The following MARS1 variants were observed in gnomAD, a reference collection of about 807,000 sequenced individuals.
The protein encoded by MARS1 is methionine--tRNA ligase, cytoplasmic.
In MARS1, 80 loss-of-function variants were observed where a neutral mutation model predicts 119.5. The observed-to-expected ratio is 0.67, with a 90% CI of 0.56 to 0.81. MARS1 has a LOEUF of 0.81. Ranked by LOEUF, MARS1 falls within the 30% of genes least tolerant of loss-of-function variation. The pLI is 0.00. For synonymous variants in MARS1, 418 were observed against 433.4 expected, an observed-to-expected ratio of 0.96 and a Z score of 0.44; for missense variants, 945 against 1,116.5, an observed-to-expected ratio of 0.85 and a Z score of 2.19.
chr12:57,489,738 C>G, intron 4 of MARS1, 158 bp from the exon 5 acceptor site: 1 of 1,062,302 alleles, frequency 9.4e-7, no homozygotes. Flanking sequence ...AATATTAGTA[C>G]CTATCTCAGT....
chr12:57,494,236 G>A (rs994834653), intron 7 of MARS1, among the ~76,000 whole-genome samples: 106 of 150,934 alleles, frequency 7.0e-4, no homozygotes, highest in Non-Finnish European at 1.3e-3. Flanking sequence ...GATTACAGGC[G>A]TAAGCCACTA....
intron 7 of MARS1, among the ~76,000 whole-genome samples, chr12:57,493,923 AATATATATT>A (rs1876432421): frequency 1.6e-5 from 1 of 63,058 alleles, no homozygotes; most frequent in African/African-American, 7.4e-5. Flanking sequence ...TAATATATAT[AATATATATT>A]ATATATTATA....
At chr12:57,492,761 A>T (rs1876052602) in intron 7 of MARS1, among the ~76,000 whole-genome samples, 1 of 152,020 alleles carries the variant, frequency 6.6e-6, no homozygotes, top group Non-Finnish European at 1.5e-5. Context: ...GGGGCTAGTT[A>T]GGCAAGAGTA....
intron 11 of MARS1, among the ~76,000 whole-genome samples, chr12:57,510,734 T>TA (rs1877470872): frequency 6.6e-6 from 1 of 151,060 alleles, no homozygotes; most frequent in African/African-American, 2.4e-5. Flanking sequence ...AGTTTGAGAG[T>TA]AGCCTGGGCA....
chr12:57,493,311 A>ATTATATAATATATTATATATAATATATG lies in MARS1; in HGVS notation c.770+2681_770+2708dup, dbSNP rs1281612565. ...TTTTGAGTATATATATATAATATATATTATATAATATATTATATATAATAT... is the reference window on the plus strand; with the variant it reads ...TTTTGAGTATATATATATAATATATATTATATAATATATTATATATAATATATGTTATATAATATATTATATATAATAT... On this transcript the variant is annotated intron_variant, in intron 7 of 20. Coordinates refer to ENST00000262027, the MANE Select transcript of MARS1 (RefSeq NM_004990.4). Among the ~76,000 whole-genome samples the ATTATATAATATATTATATATAATATATG allele has an allele frequency of 5.9e-4, 62 of 104,960 alleles. 5 individuals carry two copies. The highest frequency in any genetic ancestry group is 2.4e-3 in the African/African-American group (61 of 25,140). The allele number at this position is 104,960 out of a possible 152,430, so 68.9% of individuals were successfully genotyped here. A position where few individuals can be genotyped will look rare whatever the true frequency, so the allele number is the denominator to read the frequency against.
chr12:57,511,156 T>A (rs1871547), intron 11 of MARS1, among the ~76,000 whole-genome samples: 5,534 of 58,378 alleles, frequency 0.095, 348 homozygotes, highest in African/African-American at 0.23. Context: ...AAAAAAAAAA[T>A]TTTTTTTAGG....
intron 8 of MARS1, 53 bp from the exon 9 acceptor site, chr12:57,498,367 G>A: frequency 6.3e-7 from 1 of 1,599,772 alleles, no homozygotes; most frequent in Non-Finnish European, 8.6e-7. Flanking sequence ...AGATCCCAAG[G>A]ACAAGGAAGC....
intron 7 of MARS1, among the ~76,000 whole-genome samples, chr12:57,494,065 C>T (rs1289038854): frequency 1.4e-5 from 2 of 144,892 alleles, no homozygotes; most frequent in African/African-American, 5.2e-5. Flanking sequence ...AAGTGATTCT[C>T]CTGTCTCAGT....
In MARS1 at chr12:57,489,256, T is replaced by G. The variant is rs761762597; in HGVS notation, c.201-11T>G. 1 of 1,613,648 alleles carries G rather than the reference T, an allele frequency of 6.2e-7. No individual in the cohort carries two copies. Among genetic ancestry groups the G allele is most frequent in the South Asian group, 1.1e-5 (1 of 91,056 alleles). On this transcript the variant is annotated splice_polypyrimidine_tract_variant and intron_variant, in intron 2 of 20. Coordinates refer to ENST00000262027, the MANE Select transcript of MARS1 (RefSeq NM_004990.4). ...TCTAAGTCCATCATCTGTTGCTCTC[T>G]CTCTGGGCAGATATTTTTTTTTGTT...
At chr12:57,494,406 C>A (rs1348877661) in intron 7 of MARS1, among the ~76,000 whole-genome samples, 3 of 141,064 alleles carry the variant, frequency 2.1e-5, no homozygotes, top group Non-Finnish European at 4.6e-5. Context: ...TGGCTCACTG[C>A]AACCTCTGCC....
intron 17 of MARS1, 26 bp downstream of exon 17, chr12:57,515,084 A>G: frequency 6.2e-7 from 1 of 1,614,102 alleles, no homozygotes; most frequent in Non-Finnish European, 8.5e-7. Context: ...GGGTTGGCTA[A>G]AGGCATAAAG....
chr12:57,513,000 C>A, intron 15 of MARS1, 36 bp downstream of exon 15: 1 of 1,567,428 alleles, frequency 6.4e-7, no homozygotes, highest in African/African-American at 1.4e-5. Flanking sequence ...TAGCAGTGAG[C>A]TGGGGTGGGG....
At position 57,511,866 on chromosome 12, in the gene MARS1, A is replaced by C; in HGVS notation, c.1537A>C (p.Lys513Gln). The C allele has an allele frequency of 1.2e-6, 2 of 1,613,896 alleles. No individual in the cohort carries two copies. Among genetic ancestry groups the C allele is most frequent in the Non-Finnish European group, 1.7e-6 (2 of 1,179,852 alleles). ...TGTACCCTTAGAAGGTTTTGAAGAC[A>C]AGGTAAAAACCCTTTTTTATTCATA... Reference protein sequence around the residue: ...TPVPLEGFEDKVFYVWFDATI... With the variant: ...TPVPLEGFEDQVFYVWFDATI... The change falls in exon 12 of 21, where the codon AAG becomes CAG. Residue 513 changes from lysine (K) to glutamine (Q), a missense_variant and splice_region_variant. Transcript: ENST00000262027.
At chr12:57,500,240 G>A in intron 9 of MARS1, 81 bp from the exon 10 acceptor site, 1 of 1,147,840 alleles carries the variant, frequency 8.7e-7, no homozygotes, top group Non-Finnish European at 1.3e-6. Flanking sequence ...CTGAGTTTGG[G>A]TCCCTGGTTG....
intron 10 of MARS1, among the ~76,000 whole-genome samples, chr12:57,500,829 C>T (rs916938661): frequency 6.6e-6 from 1 of 152,224 alleles, no homozygotes; most frequent in Non-Finnish European, 1.5e-5. Flanking sequence ...ATCTTCTCTT[C>T]TAGCCATTTG....
At chr12:57,504,830 A>C (rs1300409448) in intron 11 of MARS1, among the ~76,000 whole-genome samples, 3 of 151,356 alleles carry the variant, frequency 2.0e-5, no homozygotes, top group Non-Finnish European at 4.4e-5. Flanking sequence ...CAGCCTCCAG[A>C]ATAGCTGGGA....
chr12:57,502,880 G>A (rs1876995622), intron 10 of MARS1, among the ~76,000 whole-genome samples: 1 of 151,832 alleles, frequency 6.6e-6, no homozygotes, highest in African/African-American at 2.4e-5. Context: ...ACAAAAATAA[G>A]CCGGGCGCGG....
Position 57,493,535 on chromosome 12 carries a change from A to G in MARS1, c.770+2891A>G, listed in dbSNP as rs866597625. The stretch of plus-strand genomic sequence containing the variant: ...TATAATATATAATATATTATAATAT[A>G]TAATATATTATAATATATAATATAT... On this transcript the variant is annotated intron_variant, in intron 7 of 20. Transcript: ENST00000262027. Among the ~76,000 whole-genome samples, 17 of 4,652 alleles carry G rather than the reference A, an allele frequency of 3.7e-3. 5 individuals are homozygous for G. The highest frequency in any genetic ancestry group is 7.2e-3 in the Non-Finnish European group (7 of 976). 3.1% of individuals were successfully genotyped at this position (4,652 alleles called of 152,430 possible). A position where few individuals can be genotyped will look rare whatever the true frequency, so the allele number is the denominator to read the frequency against.
At position 57,498,403 on chromosome 12, in the gene MARS1, A is replaced by G. The variant is rs762403976; in HGVS notation, c.888-17A>G. ...GCTGAAGCGGGGCCCCCTAGCGATC[A>G]CCATATTCCCTTGCAGGTACTCTCG... On this transcript the variant is annotated splice_polypyrimidine_tract_variant and intron_variant, in intron 8 of 20. Transcript: ENST00000262027. 2 of 1,612,042 alleles carry G rather than the reference A, an allele frequency of 1.2e-6. No individual in the cohort carries two copies. The highest frequency in any genetic ancestry group is 1.7e-6 in the Non-Finnish European group (2 of 1,179,000).
Sources: allele counts gnomAD v4.1 joint callset (sites outside exome capture counted in the v4.1 genomes callset), GRCh38; gene constraint gnomAD v4.1.1; transcripts MANE v1.5; gene names NCBI Gene and HGNC (gene_info 2026-07-23, HGNC 2026-07-21).